The following AFF2 variants were observed in gnomAD, a reference collection of about 807,000 sequenced individuals.
AFF2 encodes AF4/FMR2 family member 2.
Under a neutral mutation model 76.9 loss-of-function variants are expected in AFF2, and 14 were observed. The ratio of observed to expected loss-of-function variants is 0.18; its 90% CI spans 0.12 to 0.28. The LOEUF is 0.28. Among genes scored for constraint, AFF2 ranks in the 10% least tolerant of loss-of-function variants. The probability of loss-of-function intolerance (pLI) is 1.00; values close to 1 mark genes in which losing one functional copy is unlikely to be tolerated. For missense variants in AFF2, 868 were observed against 1,001.1 expected (o/e 0.87, Z 1.79); for synonymous variants, 398 against 366.7 (o/e 1.09, Z -0.98).
At chrX:148,762,482 G>GTC (rs782413953) in intron 3 of AFF2, among the ~76,000 whole-genome samples, 17 of 99,584 alleles carry the variant, frequency 1.7e-4, no homozygotes, top group Middle Eastern at 5.1e-3. Context: ...ATATGTATAT[G>GTC]TGTGTGTGTG....
intron 4 of AFF2, among the ~76,000 whole-genome samples, chrX:148,819,549 T>C (rs1333898875): frequency 1.8e-5 from 2 of 111,629 alleles, no homozygotes; most frequent in African/African-American, 6.5e-5. Context: ...GCTTTTATTG[T>C]TTCTGGACAT....
intron 3 of AFF2, among the ~76,000 whole-genome samples, chrX:148,686,805 C>T (rs782500754): frequency 1.8e-5 from 2 of 111,350 alleles, no homozygotes; most frequent in South Asian, 7.6e-4. Context: ...GGGTGCATGC[C>T]TGTATTCTGT....
At chrX:148,700,517 C>T (rs1264154183) in intron 3 of AFF2, among the ~76,000 whole-genome samples, 1 of 106,835 alleles carries the variant, frequency 9.4e-6, no homozygotes, top group East Asian at 3.0e-4. Flanking sequence ...AAAAGAGCCT[C>T]GGTCCTGGCA....
Position 148,991,335 on chromosome X carries a change from G to C in AFF2, c.*3G>C. On this transcript the variant is annotated 3_prime_UTR_variant, in exon 21 of 21. Coordinates refer to ENST00000370460, the MANE Select transcript of AFF2 (RefSeq NM_002025.4). The stretch of plus-strand genomic sequence containing the variant: ...GCATCGATGCCCACTTGTTGTAGTG[G>C]GTGTTCTCAGATCTCTAGCATCACG... 1 of 1,198,089 alleles carries C rather than the reference G, an allele frequency of 8.3e-7. No homozygotes were observed. Among genetic ancestry groups the C allele is most frequent in the Non-Finnish European group, 1.1e-6 (1 of 887,813 alleles).
chrX:148,616,506 G>C (rs782321102), intron 1 of AFF2, among the ~76,000 whole-genome samples: 2 of 110,204 alleles, frequency 1.8e-5, no homozygotes, highest in African/African-American at 6.6e-5. Flanking sequence ...TGTGTAAGTT[G>C]GTATACAATA....
At chrX:148,880,226 G>A (rs1462061683) in intron 7 of AFF2, among the ~76,000 whole-genome samples, 1 of 111,819 alleles carries the variant, frequency 8.9e-6, no homozygotes, top group Non-Finnish European at 1.9e-5. Flanking sequence ...ATTAAATGTA[G>A]CTCCTCCTAA....
At chrX:148,574,736 A>G (rs2053266102) in intron 1 of AFF2, among the ~76,000 whole-genome samples, 1 of 111,140 alleles carries the variant, frequency 9.0e-6, no homozygotes, top group South Asian at 3.8e-4. Flanking sequence ...CTAATATCTA[A>G]TAATAGTTAC....
intron 3 of AFF2, among the ~76,000 whole-genome samples, chrX:148,704,260 GTA>G (rs1157573735): frequency 4.1e-5 from 4 of 96,539 alleles, no homozygotes; most frequent in Admixed American, 2.5e-4. Context: ...ATATATGTGT[GTA>G]TATATATATT....
At chrX:148,757,917 AT>A (rs782321545) in intron 3 of AFF2, among the ~76,000 whole-genome samples, 18 of 112,556 alleles carry the variant, frequency 1.6e-4, no homozygotes, top group Admixed American at 1.5e-3. Flanking sequence ...AACAACTGTA[AT>A]TTTGTCAAAA....
intron 1 of AFF2, among the ~76,000 whole-genome samples, chrX:148,568,198 G>T (rs1013358647): frequency 2.3e-4 from 26 of 111,539 alleles, no homozygotes; most frequent in African/African-American, 8.5e-4. Context: ...ATGTCAACAG[G>T]CCTTTAAACA....
chrX:148,777,219 C>A (rs782679359), intron 3 of AFF2, among the ~76,000 whole-genome samples: 22 of 111,651 alleles, frequency 2.0e-4, no homozygotes, highest in Non-Finnish European at 4.1e-4. Context: ...GGTTATATAT[C>A]TGTTTTGGTA....
At chrX:148,736,980 AT>A in intron 3 of AFF2, among the ~76,000 whole-genome samples, 2 of 111,490 alleles carry the variant, frequency 1.8e-5, no homozygotes, top group Admixed American at 1.9e-4. Flanking sequence ...CTCTGTGCCT[AT>A]TTTTATAGCA....
Position 148,986,031 on chromosome X carries a change from T to TGCCCGTCA in AFF2, c.3624-1334_3624-1327dup, listed in dbSNP as rs2072466780. Among the ~76,000 whole-genome samples, 4 of 102,249 alleles carry TGCCCGTCA rather than the reference T, an allele frequency of 3.9e-5. No individual in the cohort carries two copies. In the South Asian group the frequency reaches 1.9e-3, roughly 49 times the overall value. 88.8% of individuals were successfully genotyped at this position (102,249 alleles called of 115,157 possible). ...GTTTCCCCAAATCATCTGTATGTGC[T>TGCCCGTCA]GCCCGTCAGGGTGCACATCTGTTCT... On this transcript the variant is annotated intron_variant, in intron 19 of 20. Transcript: ENST00000370460.
At chrX:148,860,362 G>C (rs149346996) in intron 7 of AFF2, among the ~76,000 whole-genome samples, 2,775 of 112,034 alleles carry the variant, frequency 0.025, 39 homozygotes, top group Admixed American at 0.049. Context: ...ATTTGAAAAG[G>C]AATGTAGCCT....
chrX:148,734,276 A>G (rs1370308422), intron 3 of AFF2, among the ~76,000 whole-genome samples: 1 of 112,338 alleles, frequency 8.9e-6, no homozygotes, highest in Non-Finnish European at 1.9e-5. Context: ...GAGACCAGCC[A>G]TTAAAAATGG....
intron 7 of AFF2, among the ~76,000 whole-genome samples, chrX:148,854,002 T>A (rs2070760152): frequency 8.9e-6 from 1 of 112,322 alleles, no homozygotes; most frequent in African/African-American, 3.2e-5. Flanking sequence ...GGACTAGGTC[T>A]ACCCTTTATC....
intron 2 of AFF2, among the ~76,000 whole-genome samples, chrX:148,656,727 C>T (rs781873736): frequency 1.4e-4 from 15 of 109,309 alleles, no homozygotes; most frequent in Non-Finnish European, 2.7e-4. Context: ...GTCTCGATCT[C>T]CTGACCTCGT....
chrX:148,818,905 A>G (rs2070296450), intron 4 of AFF2, among the ~76,000 whole-genome samples: 1 of 111,051 alleles, frequency 9.0e-6, no homozygotes, highest in South Asian at 3.8e-4. Flanking sequence ...GGCCTTAGAG[A>G]GGTTGAAAAT....
At chrX:148,810,355 TGA>T (rs1215226046) in intron 4 of AFF2, among the ~76,000 whole-genome samples, 1 of 112,020 alleles carries the variant, frequency 8.9e-6, no homozygotes, top group Non-Finnish European at 1.9e-5. Context: ...GAGGAGAAGA[TGA>T]GAGACTTGAA....
Sources: gnomAD v4.1 joint callset for allele counts (sites outside exome capture counted in the v4.1 genomes callset) on GRCh38, gnomAD v4.1.1 for gene constraint, MANE v1.5 for transcripts, NCBI Gene and HGNC (gene_info 2026-07-23, HGNC 2026-07-21) for gene names.